The following XYLT1 variants were observed in gnomAD, a reference collection of about 807,000 sequenced individuals.
XYLT1 encodes the protein xylosyltransferase 1.
A neutral mutation model predicts 91.3 loss-of-function variants in XYLT1; 36 were observed. The observed-to-expected ratio is 0.39, with a 90% CI of 0.30 to 0.52. The LOEUF is 0.52. Ranked by LOEUF, XYLT1 falls within the 20% of genes least tolerant of loss-of-function variation. The probability of loss-of-function intolerance (pLI) is 0.68; values close to 1 mark genes in which losing one functional copy is unlikely to be tolerated. For missense variants in XYLT1, 1,242 were observed against 1,284.5 expected (o/e 0.97, Z 0.51); for synonymous variants, 588 against 532.0 (o/e 1.11, Z -1.45).
chr16:17,394,778 C>T (rs1042222714), intron 1 of XYLT1, among the ~76,000 whole-genome samples: 6 of 152,172 alleles, frequency 3.9e-5, no homozygotes, highest in African/African-American at 1.4e-4. Flanking sequence ...AAAAGGTCAG[C>T]ACCTACCCCT....
intron 2 of XYLT1, among the ~76,000 whole-genome samples, chr16:17,261,682 C>A (rs1449238494): frequency 6.6e-6 from 1 of 152,104 alleles, no homozygotes; most frequent in Non-Finnish European, 1.5e-5. Flanking sequence ...TGGCTAGTGG[C>A]CTATTGTGTT....
intron 1 of XYLT1, among the ~76,000 whole-genome samples, chr16:17,439,883 C>A (rs139382237): frequency 1.7e-4 from 26 of 152,304 alleles, no homozygotes; most frequent in Non-Finnish European, 3.1e-4. Flanking sequence ...CCAAATCCAT[C>A]CGGAATGTGA....
At chr16:17,112,530 T>C (rs1966844148) in intron 11 of XYLT1, among the ~76,000 whole-genome samples, 1 of 152,174 alleles carries the variant, frequency 6.6e-6, no homozygotes, top group Admixed American at 6.5e-5. Context: ...TCAGGAGCAC[T>C]GCTTCATTCT....
chr16:17,368,454 T>A (rs1373339685), intron 1 of XYLT1, among the ~76,000 whole-genome samples: 1 of 152,036 alleles, frequency 6.6e-6, no homozygotes, highest in African/African-American at 2.4e-5. Flanking sequence ...ATTGGTTAAG[T>A]CCTTATGAGA....
intron 1 of XYLT1, among the ~76,000 whole-genome samples, chr16:17,416,185 C>T (rs932169186): frequency 5.9e-5 from 9 of 152,232 alleles, no homozygotes; most frequent in Non-Finnish European, 1.2e-4. Flanking sequence ...ACAGCTCCCG[C>T]CCTGTCCTGC....
intron 5 of XYLT1, among the ~76,000 whole-genome samples, chr16:17,172,333 T>C (rs992531209): frequency 1.3e-5 from 2 of 152,154 alleles, no homozygotes; most frequent in Admixed American, 6.5e-5. Flanking sequence ...TTTTGTGCTC[T>C]TTCATAACTC....
At chr16:17,397,019 T>C (rs545893378) in intron 1 of XYLT1, among the ~76,000 whole-genome samples, 25 of 152,338 alleles carry the variant, frequency 1.6e-4, no homozygotes, top group African/African-American at 5.8e-4. Context: ...GCTTTCCGGC[T>C]GCAGAGGCAC....
At chr16:17,367,353 C>A (rs1256465426) in intron 1 of XYLT1, among the ~76,000 whole-genome samples, 1 of 152,218 alleles carries the variant, frequency 6.6e-6, no homozygotes, top group Non-Finnish European at 1.5e-5. Flanking sequence ...AAGGTGGCCA[C>A]CCAGGCTGTG....
intron 11 of XYLT1, among the ~76,000 whole-genome samples, chr16:17,110,090 C>T (rs146893950): frequency 6.6e-6 from 1 of 152,192 alleles, no homozygotes; most frequent in Non-Finnish European, 1.5e-5. Flanking sequence ...TGCAGCCCCA[C>T]GTCCAACATA....
chr16:17,310,779 G>A (rs575031215), intron 2 of XYLT1, among the ~76,000 whole-genome samples: 3 of 152,262 alleles, frequency 2.0e-5, no homozygotes, highest in Admixed American at 2.0e-4. Flanking sequence ...AACCTAGGAG[G>A]CAGAGGTTGC....
intron 10 of XYLT1, 73 bp from the exon 11 acceptor site, chr16:17,118,052 C>A: frequency 1.2e-5 from 17 of 1,471,032 alleles, no homozygotes; most frequent in Non-Finnish European, 1.5e-5. Flanking sequence ...GGTCTAGGAT[C>A]CCCTTTGTTA....
chr16:17,179,807 A>T (rs1026468236), intron 5 of XYLT1, among the ~76,000 whole-genome samples: 1 of 152,216 alleles, frequency 6.6e-6, no homozygotes, highest in Non-Finnish European at 1.5e-5. Context: ...CAGCTTCCAA[A>T]ATCTGGGCTG....
At chr16:17,313,304 T>C (rs939781141) in intron 2 of XYLT1, among the ~76,000 whole-genome samples, 1 of 152,160 alleles carries the variant, frequency 6.6e-6, no homozygotes, top group Non-Finnish European at 1.5e-5. Context: ...TCCAGGCCCC[T>C]GGCTGCTGGG....
intron 2 of XYLT1, among the ~76,000 whole-genome samples, chr16:17,287,205 T>G (rs990099384): frequency 6.6e-6 from 1 of 151,996 alleles, no homozygotes; most frequent in African/African-American, 2.4e-5. Flanking sequence ...GATCTAGTTT[T>G]TCATCATGTA....
chr16:17,210,175 T>C (rs2032731268), intron 3 of XYLT1, among the ~76,000 whole-genome samples: 1 of 152,172 alleles, frequency 6.6e-6, no homozygotes, highest in South Asian at 2.1e-4. Context: ...ACCAGAGGCA[T>C]GCATCCCATG....
At chr16:17,349,055 G>A (rs1175060708) in intron 2 of XYLT1, among the ~76,000 whole-genome samples, 2 of 152,198 alleles carry the variant, frequency 1.3e-5, no homozygotes, top group African/African-American at 2.4e-5. Context: ...GGGGTGCCCT[G>A]AGAGAAGATG....
chr16:17,161,291 G>C (rs1359330266), intron 5 of XYLT1, among the ~76,000 whole-genome samples: 9 of 152,186 alleles, frequency 5.9e-5, no homozygotes, highest in Admixed American at 5.9e-4. Context: ...ATGACATCTT[G>C]GGGGAGGGAG....
chr16:17,127,987 T>G, intron 9 of XYLT1, 126 bp from the exon 10 acceptor site: 2 of 768,836 alleles, frequency 2.6e-6, no homozygotes, highest in South Asian at 4.2e-5. Context: ...CTGTTTTCCT[T>G]GCGTCCTCTG....
intron 8 of XYLT1, among the ~76,000 whole-genome samples, chr16:17,136,610 G>C (rs2030730740): frequency 6.6e-6 from 1 of 151,744 alleles, no homozygotes; most frequent in Non-Finnish European, 1.5e-5. Flanking sequence ...TTGTTACCAG[G>C]AACCCATCTA....
Sources: gnomAD v4.1 joint callset for allele counts (sites outside exome capture counted in the v4.1 genomes callset) on GRCh38, gnomAD v4.1.1 for gene constraint, MANE v1.5 for transcripts, NCBI Gene and HGNC (gene_info 2026-07-23, HGNC 2026-07-21) for gene names.